Variants in PTPRD observed in about 807,000 individuals in gnomAD.
PTPRD encodes the protein receptor-type tyrosine-protein phosphatase delta.
A neutral mutation model predicts 214.5 loss-of-function variants in PTPRD; 34 were observed. The ratio of observed to expected loss-of-function variants is 0.16; its 90% CI spans 0.12 to 0.21. The LOEUF is 0.21. Ranked by LOEUF, PTPRD falls within the 10% of genes least tolerant of loss-of-function variation. The pLI is 1.00. For missense variants in PTPRD, 2,545 were observed against 2,398.7 expected, an observed-to-expected ratio of 1.06 and a Z score of -1.27; for synonymous variants, 1,128 against 845.7, an observed-to-expected ratio of 1.33 and a Z score of -5.79.
intron 12 of PTPRD, among the ~76,000 whole-genome samples, chr9:8,687,604 TA>T (rs1314341165): frequency 1.3e-5 from 2 of 152,120 alleles, no homozygotes; most frequent in African/African-American, 2.4e-5. Flanking sequence ...AGCCTTGATC[TA>T]ATTTTTTAAT....
intron 33 of PTPRD, among the ~76,000 whole-genome samples, chr9:8,451,736 T>C (rs1031447444): frequency 1.3e-5 from 2 of 152,224 alleles, no homozygotes; most frequent in African/African-American, 2.4e-5. Context: ...TTTGATCATT[T>C]TGCATAAGTT....
chr9:8,420,149 G>A (rs1003124351), intron 35 of PTPRD, among the ~76,000 whole-genome samples: 1 of 152,162 alleles, frequency 6.6e-6, no homozygotes, highest in East Asian at 1.9e-4. Context: ...TTGTGGCTTT[G>A]GTTAAGTTTG....
chr9:9,000,306 C>T (rs1452585385), intron 11 of PTPRD, among the ~76,000 whole-genome samples: 2 of 152,032 alleles, frequency 1.3e-5, no homozygotes, highest in Non-Finnish European at 2.9e-5. Flanking sequence ...GCACCATCCT[C>T]TGACTTTATT....
intron 7 of PTPRD, among the ~76,000 whole-genome samples, chr9:9,694,415 C>G (rs1025840343): frequency 6.6e-6 from 1 of 151,868 alleles, no homozygotes; most frequent in Non-Finnish European, 1.5e-5. Context: ...CATATGGAGT[C>G]TCTCTCTCTG....
At chr9:9,143,303 C>T (rs1167992336) in intron 10 of PTPRD, among the ~76,000 whole-genome samples, 1 of 152,170 alleles carries the variant, frequency 6.6e-6, no homozygotes, top group African/African-American at 2.4e-5. Context: ...TGCTTAAAGT[C>T]ACACAGCTGG....
chr9:9,148,457 C>A (rs148604011), intron 10 of PTPRD, among the ~76,000 whole-genome samples: 3 of 152,198 alleles, frequency 2.0e-5, no homozygotes, highest in African/African-American at 7.2e-5. Flanking sequence ...AATACAGCTT[C>A]TTTTTGTAGA....
At chr9:9,045,409 G>C (rs1301376973) in intron 10 of PTPRD, among the ~76,000 whole-genome samples, 3 of 150,438 alleles carry the variant, frequency 2.0e-5, no homozygotes, top group African/African-American at 7.5e-5. Flanking sequence ...GGAGGGTGGG[G>C]GTAAGGTGGG....
rs2073498839 is a variant in PTPRD, at chr9:9,524,358, G to A, written c.-237+50374C>T. 2.0e-5 allele frequency among the ~76,000 whole-genome samples: 3 copies of A among 151,790 alleles called. No individual in the cohort carries two copies. In the South Asian group the frequency reaches 6.2e-4, roughly 32 times the overall value. On this transcript the variant is annotated intron_variant, in intron 8 of 45. Transcript: ENST00000381196. ...ACAACACTCTAACAAATATGTCTAG[G>A]TTCTACCTTTCACCATTTAGTTCTC... is the stretch of plus-strand genomic sequence containing the variant.
At chr9:9,861,559 G>A (rs932169156) in intron 5 of PTPRD, among the ~76,000 whole-genome samples, 2 of 152,166 alleles carry the variant, frequency 1.3e-5, no homozygotes, top group African/African-American at 4.8e-5. Context: ...CAAAGTGCTG[G>A]ATTACTGGCG....
At chr9:8,623,482 G>C (rs1015815675) in intron 14 of PTPRD, among the ~76,000 whole-genome samples, 1 of 151,866 alleles carries the variant, frequency 6.6e-6, no homozygotes. Flanking sequence ...GCCTTAGCAA[G>C]ATAATTCTGC....
At chr9:8,428,679 G>T (rs1242040642) in intron 35 of PTPRD, among the ~76,000 whole-genome samples, 1 of 152,130 alleles carries the variant, frequency 6.6e-6, no homozygotes, top group Non-Finnish European at 1.5e-5. Flanking sequence ...AAAATTGTGT[G>T]TGTGTGTATG....
At chr9:9,796,761 G>C (rs568968322) in intron 5 of PTPRD, among the ~76,000 whole-genome samples, 4 of 152,284 alleles carry the variant, frequency 2.6e-5, no homozygotes, top group Non-Finnish European at 4.4e-5. Flanking sequence ...AGGAATGAAA[G>C]GGCCATGAGG....
At chr9:9,664,737 G>C (rs77835470) in intron 7 of PTPRD, among the ~76,000 whole-genome samples, 2 of 151,636 alleles carry the variant, frequency 1.3e-5, no homozygotes, top group Non-Finnish European at 3.0e-5. Flanking sequence ...TTTTGAAGGA[G>C]TCTTGCAGTC....
intron 8 of PTPRD, among the ~76,000 whole-genome samples, chr9:9,561,061 C>A (rs112089650): frequency 1.4e-4 from 22 of 152,280 alleles, no homozygotes; most frequent in African/African-American, 4.8e-4. Context: ...GCCAAGCAAG[C>A]CTGTACAGCA....
intron 11 of PTPRD, among the ~76,000 whole-genome samples, chr9:8,949,818 C>T (rs984575840): frequency 4.6e-5 from 7 of 152,052 alleles, no homozygotes; most frequent in African/African-American, 9.7e-5. Context: ...AGCATAAACT[C>T]GGTCCAATTT....
chr9:8,671,123 AG>A (rs1176264130), intron 12 of PTPRD, among the ~76,000 whole-genome samples: 1 of 152,226 alleles, frequency 6.6e-6, no homozygotes, highest in Non-Finnish European at 1.5e-5. Flanking sequence ...AGGAAAGTGA[AG>A]AATACAATTA....
At position 8,342,515 on chromosome 9, in the gene PTPRD, A is replaced by G. The variant is rs1475820935; in HGVS notation, c.4662-537T>C. On this transcript the variant is annotated intron_variant, in intron 39 of 45. Transcript: ENST00000381196. ...ATGTGTCAAGTATGGTTCAATCCAA[A>G]ATACTTTCTCTTCCTGATCATGCGG... Among the ~76,000 whole-genome samples the G allele has an allele frequency of 2.0e-5, 3 of 152,186 alleles. No homozygotes were observed. The East Asian group carries it at 5.8e-4, about 30-fold the overall frequency.
intron 33 of PTPRD, 66 bp from the exon 34 acceptor site, chr9:8,449,903 G>T: frequency 6.8e-7 from 1 of 1,478,714 alleles, no homozygotes; most frequent in Non-Finnish European, 9.4e-7. Flanking sequence ...GAAAAGCAGA[G>T]AATTGCACCT....
At chr9:8,389,100 C>T (rs1410647362) in intron 37 of PTPRD, 132 bp downstream of exon 37, 34 of 645,436 alleles carry the variant, frequency 5.3e-5, no homozygotes, top group East Asian at 3.1e-4. Flanking sequence ...GTTGTTGATG[C>T]CCATTCATAA....
Sources: gnomAD v4.1 joint callset for allele counts (sites outside exome capture counted in the v4.1 genomes callset) on GRCh38, gnomAD v4.1.1 for gene constraint, MANE v1.5 for transcripts, NCBI Gene and HGNC (gene_info 2026-07-23, HGNC 2026-07-21) for gene names.